The following EFCC1 variants were observed in gnomAD, a reference collection of about 807,000 sequenced individuals.
EFCC1 encodes the protein EF-hand and coiled-coil domain containing 1.
EFCC1 carries 50 observed loss-of-function variants against 52.1 expected under a neutral mutation model. The ratio of observed to expected loss-of-function variants is 0.96; its 90% confidence interval spans 0.76 to 1.21. The LOEUF (loss-of-function observed/expected upper bound fraction) is 1.21, where lower values mean the gene tolerates loss of function less well. EFCC1 is among the 50% of genes most tolerant of loss of function. EFCC1 has a pLI of 0.00. For synonymous variants in EFCC1, 399 were observed against 396.5 expected (o/e 1.01, Z -0.08); for missense variants, 837 against 867.3 (o/e 0.97, Z 0.44).
rs1445156042 is a variant in EFCC1, at chr3:129,004,084, G to C, written c.980+7G>C. On this transcript the variant is annotated splice_region_variant and intron_variant, in intron 2 of 7. Coordinates refer to ENST00000683648, the MANE Select transcript of EFCC1 (RefSeq NM_001377500.1). ...CGGAGCTGCAACGCTACAGGTGAGC[G>C]GGGGCGCGTGCCCTGGGCCCAAGTT... 1 of 1,487,730 alleles carries C rather than the reference G, an allele frequency of 6.7e-7. No homozygotes were observed. The highest frequency in any genetic ancestry group is 8.9e-7 in the Non-Finnish European group (1 of 1,124,816). The allele number at this position is 1,487,730 out of a possible 1,614,324, so 92.2% of individuals were successfully genotyped here.
At chr3:129,021,047 T>G (rs1945817817) in intron 2 of EFCC1, among the ~76,000 whole-genome samples, 1 of 151,988 alleles carries the variant, frequency 6.6e-6, no homozygotes, top group South Asian at 2.1e-4. Flanking sequence ...TGGAAATTCG[T>G]GGGGAGGAGG....
Position 129,003,833 on chromosome 3 carries a change from G to T in EFCC1, c.736G>T (p.Gly246Trp). Residue 246 changes from glycine to tryptophan, a missense_variant, in exon 2 of 8, where the codon GGG becomes TGG. Gly to Trp is a radical substitution (Grantham distance 184, BLOSUM62 -2). Coordinates refer to ENST00000683648, the MANE Select transcript of EFCC1 (RefSeq NM_001377500.1). ...WKSQASTHEM[G>W]HGGPEAAVRE... The stretch of plus-strand genomic sequence containing the variant: ...GAGCCAGGCGAGCACCCACGAGATG[G>T]GGCACGGCGGGCCGGAGGCTGCGGT... 1 of 1,462,694 alleles carries T rather than the reference G, an allele frequency of 6.8e-7. No homozygotes were observed. Among genetic ancestry groups the T allele is most frequent in the East Asian group, 3.0e-5 (1 of 33,186 alleles). The allele number at this position is 1,462,694 out of a possible 1,614,324, so 90.6% of individuals were successfully genotyped here. A position where few individuals can be genotyped will look rare whatever the true frequency, so the allele number is the denominator to read the frequency against.
At chr3:129,013,211 A>G (rs2107886665) in intron 2 of EFCC1, among the ~76,000 whole-genome samples, 1 of 152,270 alleles carries the variant, frequency 6.6e-6, no homozygotes, top group East Asian at 1.9e-4. Flanking sequence ...TTGACGGTAC[A>G]GCCTTGGATA....
At position 129,039,572 on chromosome 3, in the gene EFCC1, C is replaced by T. The variant is rs1419656322; in HGVS notation, c.1664-140C>T. The T allele has an allele frequency of 1.7e-5, 23 of 1,333,826 alleles. No individual in the cohort carries two copies. In the Admixed American group the frequency reaches 5.7e-4, roughly 33 times the overall value. 82.6% of individuals were successfully genotyped at this position (1,333,826 alleles called of 1,614,324 possible). Reference sequence around the variant, plus strand: ...CCAGGGTCCTCAGGGGGAGGTGGTCCACAGAGCGAGGAAGCTGGGCAGGGC... The same window carrying T: ...CCAGGGTCCTCAGGGGGAGGTGGTCTACAGAGCGAGGAAGCTGGGCAGGGC... On this transcript the variant is annotated intron_variant, in intron 7 of 7. Transcript: ENST00000683648.
chr3:129,023,695 A>T (rs1421587580), intron 2 of EFCC1, among the ~76,000 whole-genome samples: 1 of 152,210 alleles, frequency 6.6e-6, no homozygotes, highest in Admixed American at 6.5e-5. Context: ...GGTTTTCATT[A>T]TTGGTTATAA....
At chr3:129,003,649 G>A in intron 1 of EFCC1, 145 bp from the exon 2 acceptor site, 3 of 818,760 alleles carry the variant, frequency 3.7e-6, no homozygotes, top group Non-Finnish European at 4.8e-6. Flanking sequence ...GGACCTAAGG[G>A]CCTGGCACCC....
rs1356217663 is a variant in EFCC1 at position 129,014,454 on chromosome 3, TC to T, written c.980+10378del. Among the ~76,000 whole-genome samples, 2 of 152,232 alleles carry T rather than the reference TC, an allele frequency of 1.3e-5. No homozygotes were observed. The highest frequency in any genetic ancestry group is 2.9e-5 in the Non-Finnish European group (2 of 68,042). On this transcript the variant is annotated intron_variant, in intron 2 of 7. Transcript: ENST00000683648. This position sits in a 1 kb window ranked among gnomAD's most constrained non-coding sequence, Gnocchi z 4.3. Reference sequence around the variant, plus strand: ...CCAGGGCCGCCTTCTCCCTGTATCCTCGCGTGGTCTTCCTTCTGTGTGTATT... The same window carrying T: ...CCAGGGCCGCCTTCTCCCTGTATCCTGCGTGGTCTTCCTTCTGTGTGTATT...
chr3:129,028,641 CTTTTTTT>C (rs370016067), intron 2 of EFCC1, among the ~76,000 whole-genome samples: 3,852 of 150,308 alleles, frequency 0.026, 106 homozygotes, highest in South Asian at 0.13. Context: ...TTTCTTTTTT[CTTTTTTT>C]TTTCTTTTCT....
At chr3:129,002,430 C>T (rs1944834994) in intron 1 of EFCC1, 106 bp downstream of exon 1, 1 of 1,417,542 alleles carries the variant, frequency 7.1e-7, no homozygotes, top group Non-Finnish European at 9.2e-7. Flanking sequence ...GAAGGGGAGA[C>T]AGAGGGCAGC....
intron 4 of EFCC1, 72 bp downstream of exon 4, chr3:129,033,038 C>G: frequency 4.9e-6 from 7 of 1,431,480 alleles, no homozygotes; most frequent in Non-Finnish European, 4.6e-6. Context: ...CCAGGAGCAC[C>G]TGGGAGGCTG....
chr3:129,023,329 A>G (rs1442659038), intron 2 of EFCC1, among the ~76,000 whole-genome samples: 3 of 111,278 alleles, frequency 2.7e-5, no homozygotes, highest in Non-Finnish European at 3.7e-5. Flanking sequence ...TTTTTTTTTG[A>G]GACAGAGTCT....
chr3:129,030,882 TCTTCCTGCCAGG>T (rs1266363192), intron 3 of EFCC1, 22 bp downstream of exon 3: 6 of 1,539,802 alleles, frequency 3.9e-6, no homozygotes, highest in Non-Finnish European at 5.3e-6. Context: ...GTGCGCCCAG[TCTTCCTGCCAGG>T]CTCACAGTCC....
chr3:129,007,657 G>A (rs767225746), intron 2 of EFCC1, among the ~76,000 whole-genome samples: 3 of 152,208 alleles, frequency 2.0e-5, no homozygotes, highest in African/African-American at 4.8e-5. Context: ...CCTTGGGGTT[G>A]GGAGTGGTTT....
chr3:129,016,931 T>A (rs1180731763), intron 2 of EFCC1, among the ~76,000 whole-genome samples: 1 of 152,128 alleles, frequency 6.6e-6, no homozygotes, highest in Non-Finnish European at 1.5e-5. Flanking sequence ...ACAAGGACAT[T>A]TATTATCTCA....
intron 2 of EFCC1, among the ~76,000 whole-genome samples, chr3:129,027,763 C>T (rs1946167870): frequency 6.6e-6 from 1 of 152,070 alleles, no homozygotes; most frequent in Non-Finnish European, 1.5e-5. Flanking sequence ...CGAGACCAGC[C>T]TGGGCAACAT....
In EFCC1 at chr3:129,002,189, C is replaced by T. The variant is rs1944813768; in HGVS notation, c.561C>T (p.Cys187=). The T allele has an allele frequency of 2.0e-6, 3 of 1,497,690 alleles. No homozygotes were observed. The highest frequency in any genetic ancestry group is 2.5e-5 in the South Asian group (2 of 79,062). The allele number at this position is 1,497,690 out of a possible 1,614,324, so 92.8% of individuals were successfully genotyped here. Residue 187 remains cysteine, a synonymous_variant, in exon 1 of 8, where the codon TGC becomes TGT. Transcript: ENST00000683648. The part of the protein sequence containing the change: ...RRPRRRRRPP[C]APGPDSGPDC... ...CGCGCCGCCGCCGCCGCCCGCCCTG[C>T]GCGCCTGGCCCCGACAGCGGTCCTG...
intron 2 of EFCC1, among the ~76,000 whole-genome samples, chr3:129,011,854 G>A (rs1432764284): frequency 6.6e-6 from 1 of 152,176 alleles, no homozygotes; most frequent in Admixed American, 6.5e-5. Context: ...CCAGAGAGAG[G>A]GGCCTTGACT....
At position 129,002,253 on chromosome 3, in the gene EFCC1, A is replaced by G; in HGVS notation, c.625A>G (p.Ser209Gly). ...TGCGCGGCTGGAGGAGGAGAATAGCAGCTTGCGCGAGTTGGTGGAGGACCT... is the reference window on the plus strand; with the variant it reads ...TGCGCGGCTGGAGGAGGAGAATAGCGGCTTGCGCGAGTTGGTGGAGGACCT... ...RVARLEEENS[S>G]LRELVEDLRA... Residue 209 changes from serine (S) to glycine (G), a missense_variant, in exon 1 of 8, where the codon AGC becomes GGC. By Grantham distance (56) the Ser-to-Gly change is moderately conservative (BLOSUM62 0). Coordinates refer to ENST00000683648, the MANE Select transcript of EFCC1 (RefSeq NM_001377500.1). 1 of 1,531,102 alleles carries G rather than the reference A, an allele frequency of 6.5e-7. No homozygotes were observed. Among genetic ancestry groups the G allele is most frequent in the Non-Finnish European group, 8.7e-7 (1 of 1,144,776 alleles). 94.8% of individuals were successfully genotyped at this position (1,531,102 alleles called of 1,614,324 possible). A position where few individuals can be genotyped will look rare whatever the true frequency, so the allele number is the denominator to read the frequency against.
intron 3 of EFCC1, among the ~76,000 whole-genome samples, chr3:129,031,653 A>G (rs1261524215): frequency 6.6e-6 from 1 of 152,232 alleles, no homozygotes; most frequent in Non-Finnish European, 1.5e-5. Flanking sequence ...TAAAAAGTCC[A>G]CACAAGCTTC....
Sources: allele counts gnomAD v4.1 joint callset (sites outside exome capture counted in the v4.1 genomes callset), GRCh38; gene constraint gnomAD v4.1.1; non-coding constraint Gnocchi (gnomAD v3.1); transcripts MANE v1.5; gene names NCBI Gene and HGNC (gene_info 2026-07-23, HGNC 2026-07-21).